MBNL2: variants seen among roughly 807,000 people sequenced by gnomAD.
MBNL2 encodes muscleblind like splicing regulator 2.
Under a neutral mutation model 41.9 loss-of-function variants are expected in MBNL2, and 17 were observed. The ratio of observed to expected loss-of-function variants is 0.41; its 90% CI spans 0.28 to 0.61. The LOEUF is 0.61. Ranked by LOEUF, MBNL2 falls within the 20% of genes least tolerant of loss-of-function variation. The probability of loss-of-function intolerance (pLI) is 0.35; values close to 1 mark genes in which losing one functional copy is unlikely to be tolerated. For synonymous variants in MBNL2, 195 were observed against 182.9 expected, an observed-to-expected ratio of 1.07 and a Z score of -0.53; for missense variants, 336 against 505.6, an observed-to-expected ratio of 0.66 and a Z score of 3.22.
chr13:97,164,498 G>C, the MBNL2 span, among the ~76,000 whole-genome samples: 1 of 152,130 alleles, frequency 6.6e-6, no homozygotes, highest in African/African-American at 2.4e-5. Flanking sequence ...TTAAAAAGAT[G>C]TGTGCAAAAG....
At chr13:97,181,423 G>T in the MBNL2 span, among the ~76,000 whole-genome samples, 1 of 152,156 alleles carries the variant, frequency 6.6e-6, no homozygotes, top group East Asian at 1.9e-4. Flanking sequence ...AAGTGAGATG[G>T]TGTTTTCCCC....
chr13:97,338,287 A>G (rs1566425871), intron 3 of MBNL2, among the ~76,000 whole-genome samples: 1 of 151,656 alleles, frequency 6.6e-6, no homozygotes, highest in East Asian at 1.9e-4. Flanking sequence ...ACATTAACTC[A>G]CCTCATTCAT....
intron 2 of MBNL2, among the ~76,000 whole-genome samples, chr13:97,332,631 C>T (rs527930319): frequency 1.8e-4 from 28 of 152,264 alleles, no homozygotes; most frequent in Non-Finnish European, 5.9e-5. Flanking sequence ...AAGAGAGATT[C>T]GTATACTACT....
intron 4 of MBNL2, among the ~76,000 whole-genome samples, chr13:97,344,039 C>G (rs922250874): frequency 2.0e-5 from 3 of 152,228 alleles, no homozygotes; most frequent in Non-Finnish European, 4.4e-5. Flanking sequence ...CTCCCAACCT[C>G]AGGTGATCCG....
chr13:97,352,319 C>CATT (rs1186435337), intron 5 of MBNL2, among the ~76,000 whole-genome samples: 16 of 152,320 alleles, frequency 1.1e-4, no homozygotes, highest in African/African-American at 3.8e-4. Flanking sequence ...TAAGCTTAAT[C>CATT]ATTTCTAGCT....
At chr13:97,146,117 A>G in the MBNL2 span, among the ~76,000 whole-genome samples, 2 of 151,224 alleles carry the variant, frequency 1.3e-5, no homozygotes, top group Admixed American at 6.6e-5. Flanking sequence ...CAGCCTCCCG[A>G]GTAGCTAGGA....
chr13:97,279,493 C>T (rs554102383), intron 2 of MBNL2, among the ~76,000 whole-genome samples: 1 of 152,174 alleles, frequency 6.6e-6, no homozygotes, highest in Non-Finnish European at 1.5e-5. Flanking sequence ...ATTTTGATGA[C>T]CAACTTTAAA....
chr13:97,229,688 T>G (rs1229316345), intron 1 of MBNL2, among the ~76,000 whole-genome samples: 1 of 151,912 alleles, frequency 6.6e-6, no homozygotes, highest in African/African-American at 2.4e-5. Flanking sequence ...AGATGAAGTG[T>G]TAGGGTGCAG....
intron 2 of MBNL2, among the ~76,000 whole-genome samples, chr13:97,281,523 G>C (rs2152943598): frequency 6.6e-6 from 1 of 152,264 alleles, no homozygotes; most frequent in South Asian, 2.1e-4. Flanking sequence ...AGTGTAAGTT[G>C]CTCATTTACC....
intron 1 of MBNL2, among the ~76,000 whole-genome samples, chr13:97,270,233 G>GA (rs1385030606): frequency 6.6e-6 from 1 of 152,176 alleles, no homozygotes; most frequent in East Asian, 1.9e-4. Flanking sequence ...AGACAATTAT[G>GA]AATTTTTGAG....
intron 2 of MBNL2, among the ~76,000 whole-genome samples, chr13:97,287,918 G>T (rs1370895123): frequency 8.0e-5 from 10 of 124,610 alleles, no homozygotes; most frequent in East Asian, 2.2e-4. Context: ...CTAATTTTCT[G>T]TTTTTTTTTT....
the MBNL2 span, among the ~76,000 whole-genome samples, chr13:97,190,339 G>T: frequency 1.2e-4 from 18 of 152,296 alleles, no homozygotes; most frequent in South Asian, 3.7e-3. Context: ...CCCGTTGGAT[G>T]GCACACCACA....
intron 2 of MBNL2, among the ~76,000 whole-genome samples, chr13:97,326,590 C>T (rs567676121): frequency 6.6e-6 from 1 of 152,154 alleles, no homozygotes; most frequent in Non-Finnish European, 1.5e-5. Context: ...TGTTGATAGA[C>T]ATTCTGGTTA....
At chr13:97,239,122 A>G (rs550697478) in intron 1 of MBNL2, among the ~76,000 whole-genome samples, 46 of 152,362 alleles carry the variant, frequency 3.0e-4, no homozygotes, top group Non-Finnish European at 5.1e-4. Flanking sequence ...TAACTGCAAT[A>G]CAGAGACTGC....
chr13:97,355,864 G>C (rs1326824396), intron 5 of MBNL2, among the ~76,000 whole-genome samples: 1 of 152,100 alleles, frequency 6.6e-6, no homozygotes, highest in Non-Finnish European at 1.5e-5. Flanking sequence ...CTCACTGATT[G>C]TAGCTAAAAG....
the MBNL2 span, among the ~76,000 whole-genome samples, chr13:97,183,945 A>G: frequency 6.6e-6 from 1 of 152,184 alleles, no homozygotes; most frequent in Admixed American, 6.5e-5. Context: ...TTTTTTTCAC[A>G]ATCATGCTTT....
intron 8 of MBNL2, among the ~76,000 whole-genome samples, chr13:97,389,695 G>C (rs1220630731): frequency 1.3e-5 from 2 of 150,986 alleles, no homozygotes; most frequent in African/African-American, 2.4e-5. Context: ...AACAGAGGGA[G>C]ACCCTGTCTC....
At chr13:97,148,561 CAG>C in the MBNL2 span, among the ~76,000 whole-genome samples, 5 of 152,092 alleles carry the variant, frequency 3.3e-5, 1 homozygote, top group African/African-American at 1.2e-4. Flanking sequence ...TGAGCAGGGG[CAG>C]AGAGTGTATG....
chr13:97,290,860 CT>C (rs147360891), intron 2 of MBNL2, among the ~76,000 whole-genome samples: 1,671 of 152,252 alleles, frequency 0.011, 39 homozygotes, highest in African/African-American at 0.039. Context: ...CAAGGAGTTG[CT>C]TTCTGAGCTG....
Sources: allele counts gnomAD v4.1 joint callset (sites outside exome capture counted in the v4.1 genomes callset), GRCh38; gene constraint gnomAD v4.1.1; transcripts MANE v1.5; gene names NCBI Gene and HGNC (gene_info 2026-07-23, HGNC 2026-07-21).